TASP1: variants seen among roughly 807,000 people sequenced by gnomAD.
TASP1 encodes taspase 1.
A neutral mutation model predicts 56.6 loss-of-function variants in TASP1; 16 were observed. That is an observed-to-expected ratio of 0.28 (90% CI 0.19 to 0.43). The LOEUF (loss-of-function observed/expected upper bound fraction) is 0.43, where lower values mean the gene tolerates loss of function less well. TASP1 is among the 20% of genes least tolerant of loss of function. TASP1 has a pLI of 1.00. For missense variants in TASP1, 393 were observed against 511.6 expected, an observed-to-expected ratio of 0.77 and a Z score of 2.24; for synonymous variants, 179 against 184.2, an observed-to-expected ratio of 0.97 and a Z score of 0.23.
At chr20:13,448,796 C>G (rs1181889146) in intron 11 of TASP1, among the ~76,000 whole-genome samples, 1 of 151,966 alleles carries the variant, frequency 6.6e-6, no homozygotes, top group African/African-American at 2.4e-5. Flanking sequence ...GCTATAATCA[C>G]CATCCATAAT....
chr20:13,442,648 C>A (rs6109882), intron 11 of TASP1, among the ~76,000 whole-genome samples: 8,107 of 149,854 alleles, frequency 0.054, 431 homozygotes, highest in African/African-American at 0.12. Context: ...TCTTTAAAAA[C>A]AAACAAACAA....
chr20:13,317,411 C>A, the TASP1 span, among the ~76,000 whole-genome samples: 1 of 151,916 alleles, frequency 6.6e-6, no homozygotes, highest in African/African-American at 2.4e-5. Flanking sequence ...AAAATCCCAA[C>A]AAGTTATTTC....
chr20:13,233,024 CAAA>C, the TASP1 span, among the ~76,000 whole-genome samples: 1 of 142,210 alleles, frequency 7.0e-6, no homozygotes. Context: ...GATGCTGGAC[CAAA>C]AAAAAAAAAG....
intron 9 of TASP1, among the ~76,000 whole-genome samples, chr20:13,533,065 A>G (rs2327790): frequency 0.7 from 106,209 of 152,008 alleles, 37,229 homozygotes; most frequent in African/African-American, 0.73. Context: ...AGCAGATCAA[A>G]CAACACCACT....
chr20:13,388,090 C>T (rs563835188), downstream of TASP1, among the ~76,000 whole-genome samples: 1 of 152,254 alleles, frequency 6.6e-6, no homozygotes, highest in African/African-American at 2.4e-5. Flanking sequence ...TCAGACCTTA[C>T]AAAGAAATCA....
At chr20:13,324,176 T>C in the TASP1 span, among the ~76,000 whole-genome samples, 3 of 152,224 alleles carry the variant, frequency 2.0e-5, no homozygotes, top group South Asian at 2.1e-4. Flanking sequence ...AATGCTTGTG[T>C]ACCTGTTTAC....
intron 11 of TASP1, among the ~76,000 whole-genome samples, chr20:13,444,986 T>C (rs1046651039): frequency 1.5e-4 from 23 of 152,156 alleles, no homozygotes; most frequent in African/African-American, 3.9e-4. Context: ...AAATTAACTT[T>C]TAAAGAGGAG....
chr20:13,455,790 G>A (rs2043809270), intron 11 of TASP1, among the ~76,000 whole-genome samples: 1 of 152,172 alleles, frequency 6.6e-6, no homozygotes. Context: ...CTTCAACACT[G>A]TCTCATCCCT....
chr20:13,114,040 C>T, the TASP1 span, among the ~76,000 whole-genome samples: 4 of 152,152 alleles, frequency 2.6e-5, no homozygotes, highest in Non-Finnish European at 4.4e-5. Flanking sequence ...TGAGGCAGAG[C>T]GGGGATTAAA....
At chr20:13,420,555 T>G (rs1200836538) in intron 12 of TASP1, among the ~76,000 whole-genome samples, 1 of 152,226 alleles carries the variant, frequency 6.6e-6, no homozygotes, top group South Asian at 2.1e-4. Context: ...TCAGAAGAAA[T>G]TGTCTAGAAT....
intron 12 of TASP1, among the ~76,000 whole-genome samples, chr20:13,434,308 G>A (rs2042928860): frequency 6.6e-6 from 1 of 152,136 alleles, no homozygotes; most frequent in African/African-American, 2.4e-5. Flanking sequence ...TAGTGCATGT[G>A]TCACCTTTAT....
chr20:13,263,778 A>G, the TASP1 span, among the ~76,000 whole-genome samples: 1 of 152,348 alleles, frequency 6.6e-6, no homozygotes, highest in East Asian at 1.9e-4. Flanking sequence ...TGTCGATAAT[A>G]ATATGCAGAT....
At chr20:13,560,659 A>G (rs2046315673) in intron 7 of TASP1, among the ~76,000 whole-genome samples, 1 of 152,144 alleles carries the variant, frequency 6.6e-6, no homozygotes, top group South Asian at 2.1e-4. Context: ...AGAAAGAACA[A>G]AGTATTCGAA....
At chr20:13,415,452 T>TC (rs1184699753) in intron 13 of TASP1, among the ~76,000 whole-genome samples, 2 of 150,900 alleles carry the variant, frequency 1.3e-5, no homozygotes, top group African/African-American at 4.8e-5. Flanking sequence ...TTCTTTTTTT[T>TC]TTTTTTTTTC....
chr20:13,442,318 C>T (rs141823856), intron 11 of TASP1, among the ~76,000 whole-genome samples: 1 of 151,838 alleles, frequency 6.6e-6, no homozygotes, highest in Non-Finnish European at 1.5e-5. Flanking sequence ...ACACACACCA[C>T]ACACATACTC....
chr20:13,337,499 T>C, the TASP1 span, among the ~76,000 whole-genome samples: 1 of 152,276 alleles, frequency 6.6e-6, no homozygotes, highest in South Asian at 2.1e-4. Context: ...ACAACTGCCC[T>C]TTACATGGGG....
At chr20:13,588,552 C>A (rs978980974) in intron 4 of TASP1, among the ~76,000 whole-genome samples, 6 of 151,908 alleles carry the variant, frequency 3.9e-5, no homozygotes, top group Non-Finnish European at 7.4e-5. Flanking sequence ...AAAATGAAAT[C>A]AAGAAAATCT....
chr20:13,458,292 A>T (rs73901179), intron 11 of TASP1, among the ~76,000 whole-genome samples: 1 of 152,076 alleles, frequency 6.6e-6, no homozygotes, highest in African/African-American at 2.4e-5. Flanking sequence ...AAAGGAAGAA[A>T]AAGAGTGCCA....
At chr20:13,453,538 G>A (rs961271494) in intron 11 of TASP1, among the ~76,000 whole-genome samples, 7 of 152,084 alleles carry the variant, frequency 4.6e-5, no homozygotes, top group Admixed American at 4.6e-4. Flanking sequence ...TCCCACTTGG[G>A]AATGGCATAT....
Sources: gnomAD v4.1 joint callset for allele counts (sites outside exome capture counted in the v4.1 genomes callset) on GRCh38, gnomAD v4.1.1 for gene constraint, MANE v1.5 for transcripts, NCBI Gene and HGNC (gene_info 2026-07-23, HGNC 2026-07-21) for gene names.